Variants in TUBB3 observed in about 807,000 individuals in gnomAD.
The protein encoded by TUBB3 is tubulin beta-3 chain.
TUBB3 carries 17 observed loss-of-function variants against 37.8 expected under a neutral mutation model. The observed-to-expected ratio is 0.45, with a 90% CI of 0.31 to 0.67. The LOEUF (loss-of-function observed/expected upper bound fraction) is 0.67, where lower values mean the gene tolerates loss of function less well. TUBB3 is among the 30% of genes least tolerant of loss of function. The probability of loss-of-function intolerance (pLI) is 0.07; values close to 1 mark genes in which losing one functional copy is unlikely to be tolerated. For missense variants in TUBB3, 262 were observed against 657.9 expected, an observed-to-expected ratio of 0.40 and a Z score of 6.58; for synonymous variants, 332 against 278.9, an observed-to-expected ratio of 1.19 and a Z score of -1.90.
intron 1 of TUBB3, among the ~76,000 whole-genome samples, chr16:89,929,938 T>C (rs961774884): frequency 6.6e-6 from 1 of 151,206 alleles, no homozygotes; most frequent in Non-Finnish European, 1.5e-5. Context: ...TGACCTCAGA[T>C]GATCCACTGC....
At chr16:89,926,535 G>A (rs1465979658) in intron 1 of TUBB3, among the ~76,000 whole-genome samples, 2 of 152,150 alleles carry the variant, frequency 1.3e-5, no homozygotes, top group Non-Finnish European at 1.5e-5. Flanking sequence ...CGGGCCGAGC[G>A]CCTGGCCTCG....
intron 2 of TUBB3, 104 bp downstream of exon 2, chr16:89,932,783 C>G (rs1208982923): frequency 1.1e-6 from 1 of 940,380 alleles, no homozygotes; most frequent in African/African-American, 1.6e-5. Flanking sequence ...CTCAGCATCT[C>G]TGTCCTCCCA....
chr16:89,930,013 CCCCTTCCTTCCTT>C (rs1567762947), intron 1 of TUBB3, among the ~76,000 whole-genome samples: 1 of 102,710 alleles, frequency 9.7e-6, no homozygotes, highest in Non-Finnish European at 1.9e-5. Context: ...GCAGTTTTCT[CCCCTTCCTTCCTT>C]CCTTCCTTCC....
intron 1 of TUBB3, among the ~76,000 whole-genome samples, chr16:89,925,348 T>A (rs535129764): frequency 6.6e-6 from 1 of 151,804 alleles, no homozygotes; most frequent in Admixed American, 6.6e-5. Flanking sequence ...TCCCAGCACT[T>A]TGGGAGACTG....
intron 1 of TUBB3, among the ~76,000 whole-genome samples, chr16:89,923,659 C>G (rs967900271): frequency 6.6e-6 from 1 of 152,188 alleles, no homozygotes; most frequent in African/African-American, 2.4e-5. Flanking sequence ...GCCCAGGTGA[C>G]CTCGGGCTGT....
At chr16:89,932,430 G>T in intron 1 of TUBB3, 141 bp from the exon 2 acceptor site, 4 of 696,146 alleles carry the variant, frequency 5.7e-6, no homozygotes, top group South Asian at 4.6e-5. Flanking sequence ...AGAGTGTGGG[G>T]CTCTCTTCTG....
At position 89,935,937 on chromosome 16, in the gene TUBB3, A is replaced by G; in HGVS notation, c.*133A>G. On this transcript the variant is annotated 3_prime_UTR_variant, in exon 4 of 4. Transcript: ENST00000315491. ...TAGGGCTCCCTTGCCGCCCTCCTGCAGTATTTATGGCCTCGTCCTCCCCAC... is the reference window on the plus strand; with the variant it reads ...TAGGGCTCCCTTGCCGCCCTCCTGCGGTATTTATGGCCTCGTCCTCCCCAC... 1 of 1,192,110 alleles carries G rather than the reference A, an allele frequency of 8.4e-7. No homozygotes were observed. Among genetic ancestry groups the G allele is most frequent in the East Asian group, 2.6e-5 (1 of 39,098 alleles). The allele number at this position is 1,192,110 out of a possible 1,614,324, so 73.8% of individuals were successfully genotyped here.
upstream of TUBB3, chr16:89,922,723 C>T (rs2029925378): frequency 2.0e-5 from 3 of 152,262 alleles, no homozygotes; most frequent in South Asian, 6.2e-4. Context: ...CCCACCCCCT[C>T]CCCGCCCACT....
intron 1 of TUBB3, among the ~76,000 whole-genome samples, chr16:89,924,066 C>A (rs1358483253): frequency 6.6e-6 from 1 of 152,210 alleles, no homozygotes; most frequent in Non-Finnish European, 1.5e-5. Context: ...TCGGCGCAGC[C>A]GCTCCTGGGC....
chr16:89,929,852 C>T (rs1453330771), intron 1 of TUBB3, among the ~76,000 whole-genome samples: 1 of 152,178 alleles, frequency 6.6e-6, no homozygotes, highest in African/African-American at 2.4e-5. Flanking sequence ...AGGTGCTCGC[C>T]ACCACGCCTG....
chr16:89,923,573 TGCGCCCAGCGCC>T (rs1252756100), intron 1 of TUBB3, 115 bp downstream of exon 1: 1 of 1,044,382 alleles, frequency 9.6e-7, no homozygotes. Context: ...AACAAAGGGA[TGCGCCCAGCGCC>T]GCGCCGGGCG....
Position 89,923,864 on chromosome 16 carries a change from TCTC to T in TUBB3, c.57+410_57+412del, listed in dbSNP as rs1390890513. Among the ~76,000 whole-genome samples the T allele has an allele frequency of 7.3e-5, 11 of 151,722 alleles. 1 individual carries two copies. Among genetic ancestry groups the T allele is most frequent in the Non-Finnish European group, 1.0e-4 (7 of 67,874 alleles). ...GGCAGGTTTGGGTGGGGTGGGGGGT[TCTC>T]CTCACAGCCGTGATTTCCTCGGCCC... On this transcript the variant is annotated intron_variant, in intron 1 of 3. Transcript: ENST00000315491.
chr16:89,924,700 G>A (rs1007424375), intron 1 of TUBB3, among the ~76,000 whole-genome samples: 1 of 152,112 alleles, frequency 6.6e-6, no homozygotes, highest in African/African-American at 2.4e-5. Flanking sequence ...GGGTGGAGGC[G>A]CCTCTGAGGG....
Position 89,932,624 on chromosome 16 carries a change from G to C in TUBB3, c.111G>C (p.Val37=). 6.2e-7 allele frequency: 1 copy of C among 1,614,132 alleles called. No homozygotes were observed. The highest frequency in any genetic ancestry group is 1.1e-5 in the South Asian group (1 of 91,088). Residue 37 remains valine (V), a synonymous_variant, in exon 2 of 4, where the codon GTG becomes GTC. Coordinates refer to ENST00000315491, the MANE Select transcript of TUBB3 (RefSeq NM_006086.4). ...EHGIDPSGNY[V]GDSDLQLERI... is the part of the protein sequence containing the mutation. ...GCATCGACCCCAGCGGCAACTACGT[G>C]GGCGACTCGGACTTGCAGCTGGAGC...
Position 89,935,898 on chromosome 16 carries a change from C to T in TUBB3, c.*94C>T, listed in dbSNP as rs1219996341. 3 of 1,464,678 alleles carry T rather than the reference C, an allele frequency of 2.0e-6. No homozygotes were observed. The highest frequency in any genetic ancestry group is 2.1e-5 in the Admixed American group (1 of 46,920). The allele number at this position is 1,464,678 out of a possible 1,614,324, so 90.7% of individuals were successfully genotyped here. A position where few individuals can be genotyped will look rare whatever the true frequency, so the allele number is the denominator to read the frequency against. On this transcript the variant is annotated 3_prime_UTR_variant, in exon 4 of 4. Transcript: ENST00000315491. The stretch of plus-strand genomic sequence containing the variant: ...GAGCCATCTTGCTGCCGACACCCTG[C>T]TTTCCCCTCGCCCTAGGGCTCCCTT...
Position 89,934,728 on chromosome 16 carries a change from G to C in TUBB3, c.278-1G>C, listed in dbSNP as rs2030395297. ...CTCTTACCCCTCTTCTCCCTGTACAGGTCAGAGTGGGGCCGGCAACAACTG... is the reference window on the plus strand; with the variant it reads ...CTCTTACCCCTCTTCTCCCTGTACACGTCAGAGTGGGGCCGGCAACAACTG... On this transcript the variant is annotated splice_acceptor_variant, in intron 3 of 3. Transcript: ENST00000315491. LOFTEE classifies it high-confidence loss of function. 1 of 1,613,966 alleles carries C rather than the reference G, an allele frequency of 6.2e-7. No individual in the cohort carries two copies. The highest frequency in any genetic ancestry group is 8.5e-7 in the Non-Finnish European group (1 of 1,179,980).
intron 1 of TUBB3, among the ~76,000 whole-genome samples, chr16:89,926,982 G>A (rs549270346): frequency 1.1e-4 from 17 of 152,146 alleles, no homozygotes; most frequent in East Asian, 3.9e-4. Flanking sequence ...CTCCCAAAGT[G>A]CTGGGATTGC....
intron 1 of TUBB3, chr16:89,931,796 G>A (rs59798123): frequency 0.11 from 36,622 of 348,054 alleles, 5,627 homozygotes; most frequent in African/African-American, 0.46. Flanking sequence ...GGCTCCGCTC[G>A]GCAGCTGTCA....
Position 89,935,088 on chromosome 16 carries a change from C to T in TUBB3, c.637C>T (p.Arg213Cys). 1.9e-6 allele frequency: 3 copies of T among 1,614,214 alleles called. No homozygotes were observed. Among genetic ancestry groups the T allele is most frequent in the South Asian group, 1.1e-5 (1 of 91,088 alleles). The change falls in exon 4 of 4, where the codon CGC becomes TGC. Residue 213 changes from arginine (R) to cysteine (C), a missense_variant. By Grantham distance (180) the Arg-to-Cys change is radical. This residue lies in a region of TUBB3 where 165 missense variants were observed against 556.8 expected (regional missense o/e 0.30). Transcript: ENST00000315491. The stretch of plus-strand genomic sequence containing the variant: ...CGAGGCGCTCTACGACATCTGCTTC[C>T]GCACCCTCAAGCTGGCCACGCCCAC... ...DNEALYDICF[R>C]TLKLATPTYG... is the part of the protein sequence containing the mutation.
Sources: allele counts gnomAD v4.1 joint callset (sites outside exome capture counted in the v4.1 genomes callset), GRCh38; gene constraint gnomAD v4.1.1; regional missense constraint gnomAD v4.1.1; transcripts MANE v1.5; gene names NCBI Gene and HGNC (gene_info 2026-07-23, HGNC 2026-07-21).